The following ATP9B variants were observed in gnomAD, a reference collection of about 807,000 sequenced individuals.
ATP9B encodes the protein ATPase phospholipid transporting 9B, also known as probable phospholipid-transporting ATPase IIB.
A neutral mutation model predicts 146.1 loss-of-function variants in ATP9B; 110 were observed. The observed-to-expected ratio is 0.75, with a 90% CI of 0.65 to 0.88. The LOEUF (loss-of-function observed/expected upper bound fraction) is 0.88. Ranked by LOEUF, ATP9B falls within the 40% of genes least tolerant of loss-of-function variation. The pLI, the probability that ATP9B is intolerant of heterozygous loss-of-function variation, is 0.00. For synonymous variants in ATP9B, 604 were observed against 569.7 expected (o/e 1.06, Z -0.86); for missense variants, 1,499 against 1,496.4 (o/e 1.00, Z -0.03).
At chr18:79,124,703 TTCG>T (rs992175656) in intron 4 of ATP9B, among the ~76,000 whole-genome samples, 12 of 152,186 alleles carry the variant, frequency 7.9e-5, no homozygotes, top group African/African-American at 2.7e-4. Context: ...GATCTGTCTA[TTCG>T]TAAGGTTAGG....
intron 13 of ATP9B, among the ~76,000 whole-genome samples, chr18:79,290,423 T>A (rs1246613587): frequency 6.6e-6 from 1 of 152,190 alleles, no homozygotes; most frequent in Non-Finnish European, 1.5e-5. Context: ...CCGAGCCAGG[T>A]GCGGGATATA....
At chr18:79,205,030 C>G (rs1299692515) in intron 9 of ATP9B, among the ~76,000 whole-genome samples, 5 of 152,152 alleles carry the variant, frequency 3.3e-5, no homozygotes, top group Non-Finnish European at 5.9e-5. Context: ...AGGCGGTCGC[C>G]TTCTTGTGAA....
chr18:79,183,708 T>C (rs2095275142), intron 8 of ATP9B, among the ~76,000 whole-genome samples: 1 of 151,906 alleles, frequency 6.6e-6, no homozygotes, highest in South Asian at 2.1e-4. Context: ...TTTAAATAAT[T>C]AGTTTTAAAA....
At chr18:79,182,644 A>C (rs919152725) in intron 8 of ATP9B, among the ~76,000 whole-genome samples, 1 of 100,844 alleles carries the variant, frequency 9.9e-6, no homozygotes, top group Non-Finnish European at 1.9e-5. Context: ...TGGGAGGACA[A>C]GTCTCATATT....
chr18:79,304,491 C>T (rs978286405), intron 14 of ATP9B, among the ~76,000 whole-genome samples: 3 of 152,156 alleles, frequency 2.0e-5, no homozygotes, highest in Admixed American at 1.3e-4. Context: ...GCATCAATGG[C>T]GTTCAAAAAG....
intron 6 of ATP9B, among the ~76,000 whole-genome samples, chr18:79,153,795 C>A (rs775846344): frequency 2.0e-5 from 3 of 151,754 alleles, no homozygotes; most frequent in Non-Finnish European, 4.4e-5. Context: ...AGACCACAGG[C>A]ATGCCACCAC....
rs1555725032 is a variant in ATP9B, at chr18:79,171,884, T to TTTG, written c.779-4927_779-4926insGTT. Among the ~76,000 whole-genome samples, 501 of 150,888 alleles carry TTTG rather than the reference T, an allele frequency of 3.3e-3. 3 individuals carry two copies. The highest frequency in any genetic ancestry group is 0.012 in the African/African-American group (478 of 40,792). On this transcript the variant is annotated intron_variant, in intron 7 of 29. Coordinates refer to ENST00000426216, the MANE Select transcript of ATP9B (RefSeq NM_198531.5). ...TCATGACCTTCGGAGACTCGTTTTT[T>TTTG]TTTGTTTGTTTGTTTGTTTGTTTAG...
chr18:79,161,706 C>T (rs1047452889), intron 7 of ATP9B, among the ~76,000 whole-genome samples: 7 of 151,904 alleles, frequency 4.6e-5, no homozygotes, highest in Admixed American at 2.6e-4. Context: ...AATTTGCCGG[C>T]GTGGTGGCGG....
chr18:79,256,277 A>G (rs1427074091), intron 12 of ATP9B, among the ~76,000 whole-genome samples: 123 of 133,518 alleles, frequency 9.2e-4, no homozygotes, highest in Non-Finnish European at 1.5e-3. Context: ...ATATATATAT[A>G]TATATATATA....
intron 11 of ATP9B, among the ~76,000 whole-genome samples, chr18:79,245,820 A>T (rs2095947737): frequency 7.4e-6 from 1 of 135,072 alleles, no homozygotes; most frequent in Non-Finnish European, 1.6e-5. Flanking sequence ...CACCCTACTG[A>T]CTGAGGAGGG....
chr18:79,287,486 G>A (rs184336794), intron 13 of ATP9B, among the ~76,000 whole-genome samples: 79 of 152,062 alleles, frequency 5.2e-4, no homozygotes, highest in African/African-American at 1.2e-4. Context: ...TTTTTATTGC[G>A]TCTATTTGAT....
chr18:79,130,803 T>TGA (rs955037308), intron 5 of ATP9B, among the ~76,000 whole-genome samples: 45 of 151,692 alleles, frequency 3.0e-4, no homozygotes, highest in Admixed American at 2.6e-3. Flanking sequence ...TTTAAAATGG[T>TGA]GAGAGAGAGA....
intron 7 of ATP9B, among the ~76,000 whole-genome samples, chr18:79,169,395 G>A (rs923388366): frequency 2.6e-5 from 4 of 152,200 alleles, no homozygotes; most frequent in Non-Finnish European, 4.4e-5. Context: ...TATAGTAGGT[G>A]TTCAGTAAAT....
intron 11 of ATP9B, among the ~76,000 whole-genome samples, chr18:79,217,306 T>G (rs543156828): frequency 6.6e-6 from 1 of 152,350 alleles, no homozygotes; most frequent in Admixed American, 6.5e-5. Context: ...TGCCTCAGCC[T>G]CCCAAGTAGC....
chr18:79,327,814 T>C (rs664332), intron 15 of ATP9B, among the ~76,000 whole-genome samples: 606 of 18,150 alleles, frequency 0.033, 52 homozygotes, highest in African/African-American at 0.07. Flanking sequence ...GGTTAGCGTG[T>C]TCTCCGTGGT....
intron 13 of ATP9B, among the ~76,000 whole-genome samples, chr18:79,282,040 C>T (rs958895216): frequency 4.6e-5 from 7 of 152,112 alleles, no homozygotes; most frequent in South Asian, 2.1e-4. Flanking sequence ...AAGACCTCAG[C>T]GGAGGGAAGA....
Position 79,069,423 on chromosome 18 carries a change from A to G in ATP9B, c.13A>G (p.Ile5Val). 2 of 1,518,344 alleles carry G rather than the reference A, an allele frequency of 1.3e-6. No individual in the cohort carries two copies. The highest frequency in any genetic ancestry group is 1.8e-6 in the Non-Finnish European group (2 of 1,136,362). The allele number at this position is 1,518,344 out of a possible 1,614,324, so 94.1% of individuals were successfully genotyped here. The change falls in exon 1 of 30, where the codon ATC becomes GTC. Residue 5 changes from isoleucine (I) to valine (V), a missense_variant. Coordinates refer to ENST00000426216, the MANE Select transcript of ATP9B (RefSeq NM_198531.5). ...GGGCGGTCGGAACATGGCGGACCAG[A>G]TCCCGCTTTACCCGGTGCGTAGCGC... The part of the protein sequence containing the change: MADQ[I>V]PLYPVRSAAA...
chr18:79,333,770 C>T (rs938446558), intron 17 of ATP9B, among the ~76,000 whole-genome samples: 5 of 152,128 alleles, frequency 3.3e-5, no homozygotes, highest in African/African-American at 1.2e-4. Flanking sequence ...TCATTGCGGC[C>T]GTAGCTAAGT....
intron 10 of ATP9B, among the ~76,000 whole-genome samples, chr18:79,209,148 G>A (rs2095561184): frequency 6.6e-6 from 1 of 152,190 alleles, no homozygotes; most frequent in African/African-American, 2.4e-5. Context: ...GCTGCACAGG[G>A]ACCAGAATGG....
Sources: allele counts gnomAD v4.1 joint callset (sites outside exome capture counted in the v4.1 genomes callset), GRCh38; gene constraint gnomAD v4.1.1; transcripts MANE v1.5; gene names NCBI Gene and HGNC (gene_info 2026-07-23, HGNC 2026-07-21).